Variants in EBF1 observed in about 807,000 individuals in gnomAD.
EBF1 encodes EBF transcription factor 1, also known as transcription factor COE1.
Under a neutral mutation model 68.4 loss-of-function variants are expected in EBF1, and 10 were observed. The observed-to-expected ratio is 0.15, with a 90% CI of 0.09 to 0.25. The LOEUF (loss-of-function observed/expected upper bound fraction) is 0.25, where lower values mean the gene tolerates loss of function less well. Among genes scored for constraint, EBF1 ranks in the 10% least tolerant of loss-of-function variants. The probability of loss-of-function intolerance (pLI) is 1.00; values close to 1 mark genes in which losing one functional copy is unlikely to be tolerated. For synonymous variants in EBF1, 298 were observed against 299.8 expected, an observed-to-expected ratio of 0.99 and a Z score of 0.06; for missense variants, 509 against 794.4, an observed-to-expected ratio of 0.64 and a Z score of 4.32.
chr5:158,850,778 G>A (rs761427393), intron 6 of EBF1, among the ~76,000 whole-genome samples: 64 of 152,142 alleles, frequency 4.2e-4, no homozygotes, highest in Non-Finnish European at 7.3e-4. Flanking sequence ...AGGCCGAGGC[G>A]TGTGGATTGC....
intron 8 of EBF1, among the ~76,000 whole-genome samples, chr5:158,817,920 A>G (rs75721332): frequency 1.6e-3 from 251 of 152,348 alleles, no homozygotes; most frequent in African/African-American, 5.8e-3. Flanking sequence ...CCTTGGCTGG[A>G]GATCCAGAGG....
At chr5:158,825,797 G>A (rs1261216299) in intron 7 of EBF1, among the ~76,000 whole-genome samples, 4 of 151,902 alleles carry the variant, frequency 2.6e-5, no homozygotes, top group South Asian at 2.1e-4. Flanking sequence ...CAGCTAATAC[G>A]TTCCTCAAAA....
chr5:159,069,221 A>AT (rs1777391786), intron 6 of EBF1, among the ~76,000 whole-genome samples: 1 of 151,654 alleles, frequency 6.6e-6, no homozygotes, highest in African/African-American at 2.4e-5. Flanking sequence ...TACTAAAAAA[A>AT]AAATCCACTT....
rs56877661 is a variant in EBF1 at position 158,830,512 on chromosome 5, G to A, written c.637-7195C>T. On this transcript the variant is annotated intron_variant, in intron 7 of 15. Coordinates refer to ENST00000313708, the MANE Select transcript of EBF1 (RefSeq NM_024007.5). ...TCTCGATCTCTTGAGCTCGTGATCC[G>A]TCCATCTCGGCCTCCCAAAAGTGCT... 4.8e-3 allele frequency among the ~76,000 whole-genome samples: 737 copies of A among 152,218 alleles called. 8 individuals are homozygous for A. The highest frequency in any genetic ancestry group is 0.016 in the African/African-American group (682 of 41,526).
At chr5:158,731,012 T>G in intron 11 of EBF1, 57 bp downstream of exon 11, 1 of 1,525,486 alleles carries the variant, frequency 6.6e-7, no homozygotes, top group Non-Finnish European at 9.0e-7. Flanking sequence ...CAGCAGAGTT[T>G]TCTGCAAATC....
intron 10 of EBF1, among the ~76,000 whole-genome samples, chr5:158,767,922 A>G (rs1021674222): frequency 9.9e-5 from 15 of 152,108 alleles, no homozygotes; most frequent in African/African-American, 3.6e-4. Flanking sequence ...AGGGTTTTAG[A>G]TGAGTTCCAT....
At chr5:158,956,834 C>G (rs1817228190) in intron 6 of EBF1, among the ~76,000 whole-genome samples, 1 of 149,562 alleles carries the variant, frequency 6.7e-6, no homozygotes, top group Non-Finnish European at 1.5e-5. Context: ...TCTGGGCTCA[C>G]TGCAAACTCC....
chr5:158,943,154 G>A (rs1583353708), intron 6 of EBF1, among the ~76,000 whole-genome samples: 1 of 152,094 alleles, frequency 6.6e-6, no homozygotes, highest in Non-Finnish European at 1.5e-5. Flanking sequence ...GTCATCTGAC[G>A]AATTGAATCT....
Position 158,738,221 on chromosome 5 carries a change from A to G in EBF1, c.1037-7064T>C, listed in dbSNP as rs561641509. On this transcript the variant is annotated intron_variant, in intron 10 of 15. Coordinates refer to ENST00000313708, the MANE Select transcript of EBF1 (RefSeq NM_024007.5). The stretch of plus-strand genomic sequence containing the variant: ...AGCTTACCGTATTATACAGATAGAC[A>G]TAATTTATGTAACAAATCCTCTACT... Among the ~76,000 whole-genome samples the G allele has an allele frequency of 2.0e-3, 310 of 152,320 alleles. 1 individual carries two copies. The highest frequency in any genetic ancestry group is 7.0e-3 in the African/African-American group (292 of 41,570).
chr5:159,082,787 G>A (rs1466406990), intron 5 of EBF1, among the ~76,000 whole-genome samples: 4 of 152,088 alleles, frequency 2.6e-5, no homozygotes, highest in African/African-American at 7.2e-5. Flanking sequence ...TTTTGAATAC[G>A]GCTTTTCCCT....
intron 6 of EBF1, among the ~76,000 whole-genome samples, chr5:159,053,310 C>A (rs970561078): frequency 6.6e-6 from 1 of 152,060 alleles, no homozygotes. Flanking sequence ...TGAGAGAATA[C>A]CCAGAATTCA....
intron 4 of EBF1, among the ~76,000 whole-genome samples, chr5:159,091,711 C>T (rs1290221696): frequency 6.6e-6 from 1 of 152,134 alleles, no homozygotes; most frequent in Non-Finnish European, 1.5e-5. Flanking sequence ...TGCATCAATA[C>T]CTTAAAGTAC....
chr5:158,736,877 G>T (rs911127574), intron 10 of EBF1, among the ~76,000 whole-genome samples: 1 of 152,150 alleles, frequency 6.6e-6, no homozygotes, highest in African/African-American at 2.4e-5. Context: ...CGAAAAATCA[G>T]CCAGAAACCT....
At chr5:158,814,512 A>G (rs1335326254) in intron 8 of EBF1, among the ~76,000 whole-genome samples, 1 of 152,178 alleles carries the variant, frequency 6.6e-6, no homozygotes, top group Non-Finnish European at 1.5e-5. Flanking sequence ...TCAACCAACC[A>G]AATACTGGAA....
intron 6 of EBF1, among the ~76,000 whole-genome samples, chr5:158,887,822 A>G (rs1334482760): frequency 6.6e-6 from 1 of 152,252 alleles, no homozygotes; most frequent in Non-Finnish European, 1.5e-5. Context: ...ATGAAAAAAT[A>G]TATTTAAAGC....
intron 6 of EBF1, among the ~76,000 whole-genome samples, chr5:158,993,103 G>A (rs1485566353): frequency 6.7e-6 from 1 of 149,512 alleles, no homozygotes; most frequent in African/African-American, 2.5e-5. Flanking sequence ...TAATTTTTTT[G>A]TATTTTAGTA....
chr5:158,825,140 A>C (rs1470223402), intron 7 of EBF1, among the ~76,000 whole-genome samples: 7 of 152,342 alleles, frequency 4.6e-5, no homozygotes, highest in African/African-American at 1.7e-4. Flanking sequence ...CAGATCTGAC[A>C]CAGCCTTATG....
intron 6 of EBF1, among the ~76,000 whole-genome samples, chr5:158,888,220 A>G (rs1193846641): frequency 6.6e-6 from 1 of 152,132 alleles, no homozygotes; most frequent in Non-Finnish European, 1.5e-5. Flanking sequence ...GAAGAAATGA[A>G]AGAGCCTCTT....
intron 6 of EBF1, among the ~76,000 whole-genome samples, chr5:159,058,548 CCCCAGGAATCA>C (rs1417934250): frequency 6.6e-6 from 1 of 152,116 alleles, no homozygotes; most frequent in African/African-American, 2.4e-5. Context: ...GTGTGGGAGT[CCCCAGGAATCA>C]TTTATAACTG....
Sources: allele counts gnomAD v4.1 joint callset (sites outside exome capture counted in the v4.1 genomes callset), GRCh38; gene constraint gnomAD v4.1.1; transcripts MANE v1.5; gene names NCBI Gene and HGNC (gene_info 2026-07-23, HGNC 2026-07-21).